Variants in CNTLN observed in about 807,000 individuals in gnomAD.
CNTLN encodes the protein centlein.
A neutral mutation model predicts 180.0 loss-of-function variants in CNTLN; 212 were observed. The ratio of observed to expected loss-of-function variants is 1.18; its 90% CI spans 1.05 to 1.32. CNTLN has a LOEUF of 1.32. Ranked by LOEUF, CNTLN falls within the 40% of genes most tolerant of loss-of-function variation. CNTLN has a pLI of 0.00. For synonymous variants in CNTLN, 722 were observed against 563.1 expected (o/e 1.28, Z -3.99); for missense variants, 2,095 against 1,610.9 (o/e 1.30, Z -5.14).
rs561733176 is a variant in CNTLN at position 17,340,894 on chromosome 9, C to G, written c.1712C>G (p.Thr571Ser). The change falls in exon 11 of 26, where the codon ACC becomes AGC. Residue 571 changes from threonine to serine, a missense_variant. Coordinates refer to ENST00000380647, the MANE Select transcript of CNTLN (RefSeq NM_017738.4). ...KRKERLQMLQ[T>S]NYRAVKEQLK... ...AAGGAACGGCTACAGATGTTACAGA[C>G]CAACTACAGAGCAGTAAAAGAGCAA... 7 of 1,612,176 alleles carry G rather than the reference C, an allele frequency of 4.3e-6. No homozygotes were observed. The East Asian group carries it at 9.0e-5, about 21-fold the overall frequency.
intron 6 of CNTLN, among the ~76,000 whole-genome samples, chr9:17,279,928 T>C (rs1043312086): frequency 2.6e-5 from 4 of 152,132 alleles, no homozygotes; most frequent in Non-Finnish European, 4.4e-5. Flanking sequence ...GTTGGCCTTA[T>C]AAGACGAAGA....
chr9:17,392,667 T>C (rs777378597), intron 14 of CNTLN, among the ~76,000 whole-genome samples: 11 of 152,164 alleles, frequency 7.2e-5, no homozygotes, highest in Non-Finnish European at 1.6e-4. Context: ...TAGGTTAATA[T>C]ATCATACCAT....
chr9:17,226,391 A>G, intron 3 of CNTLN, 104 bp downstream of exon 3: 2 of 564,828 alleles, frequency 3.5e-6, no homozygotes, highest in East Asian at 3.3e-5. Context: ...TGAGAATATC[A>G]GGGTCCTTAT....
intron 8 of CNTLN, among the ~76,000 whole-genome samples, chr9:17,309,701 C>T (rs532602023): frequency 6.6e-6 from 1 of 152,052 alleles, no homozygotes; most frequent in African/African-American, 2.4e-5. Flanking sequence ...GTCATGTAAC[C>T]TTTCTTACTA....
chr9:17,215,617 T>A (rs1174274125), intron 2 of CNTLN, among the ~76,000 whole-genome samples: 3 of 152,190 alleles, frequency 2.0e-5, no homozygotes, highest in Non-Finnish European at 4.4e-5. Flanking sequence ...AGATTTCTGC[T>A]GCCTTTTGTT....
intron 25 of CNTLN, among the ~76,000 whole-genome samples, chr9:17,493,961 C>G (rs751454521): frequency 2.6e-5 from 4 of 152,148 alleles, no homozygotes; most frequent in Admixed American, 6.5e-5. Flanking sequence ...GAAGTTAGCT[C>G]AAGGCAAGTA....
At chr9:17,226,112 T>C in intron 2 of CNTLN, 91 bp from the exon 3 acceptor site, 1 of 609,092 alleles carries the variant, frequency 1.6e-6, no homozygotes, top group Non-Finnish European at 2.7e-6. Context: ...TAATTTTCTA[T>C]ATTTTAAAGT....
intron 8 of CNTLN, among the ~76,000 whole-genome samples, chr9:17,313,621 A>G (rs7849085): frequency 0.58 from 87,394 of 151,552 alleles, 25,586 homozygotes; most frequent in East Asian, 0.73. Flanking sequence ...ATAGTAATCC[A>G]TCTTGTGGTT....
chr9:17,197,806 T>C (rs1198670366), intron 2 of CNTLN, among the ~76,000 whole-genome samples: 4 of 152,208 alleles, frequency 2.6e-5, no homozygotes, highest in African/African-American at 9.6e-5. Flanking sequence ...AAGAAATCTT[T>C]GCTCAGTCCA....
intron 2 of CNTLN, among the ~76,000 whole-genome samples, chr9:17,150,365 A>T (rs548900390): frequency 6.6e-6 from 1 of 152,222 alleles, no homozygotes; most frequent in East Asian, 1.9e-4. Context: ...AGTTGTCTGC[A>T]TATGGCTAGC....
intron 2 of CNTLN, among the ~76,000 whole-genome samples, chr9:17,150,560 G>A (rs894534224): frequency 2.6e-5 from 4 of 152,186 alleles, no homozygotes; most frequent in African/African-American, 9.7e-5. Context: ...TAGCCTTGAA[G>A]TGTAGTTTGA....
intron 6 of CNTLN, 99 bp from the exon 7 acceptor site, chr9:17,298,091 C>A: frequency 9.8e-7 from 1 of 1,018,552 alleles, no homozygotes; most frequent in Non-Finnish European, 1.3e-6. Flanking sequence ...ATAACAGATG[C>A]AAAACAGGAT....
chr9:17,516,180 C>G, the CNTLN span, among the ~76,000 whole-genome samples: 1 of 152,164 alleles, frequency 6.6e-6, no homozygotes, highest in African/African-American at 2.4e-5. Flanking sequence ...CTACATTCTC[C>G]ACAGCAACAT....
chr9:17,469,473 T>C (rs917075257), intron 23 of CNTLN, among the ~76,000 whole-genome samples: 5 of 151,924 alleles, frequency 3.3e-5, no homozygotes, highest in Non-Finnish European at 5.9e-5. Flanking sequence ...GGCATGATTA[T>C]CATCTTTCTT....
At position 17,288,900 on chromosome 9, in the gene CNTLN, G is replaced by T. The variant is rs1297412071; in HGVS notation, c.984-9290G>T. Among the ~76,000 whole-genome samples the T allele has an allele frequency of 3.5e-5, 4 of 115,934 alleles. 1 individual carries two copies. Among genetic ancestry groups the T allele is most frequent in the African/African-American group, 1.5e-4 (4 of 26,072 alleles). 76.1% of individuals were successfully genotyped at this position (115,934 alleles called of 152,430 possible). A position where few individuals can be genotyped will look rare whatever the true frequency, so the allele number is the denominator to read the frequency against. On this transcript the variant is annotated intron_variant, in intron 6 of 25. Coordinates refer to ENST00000380647, the MANE Select transcript of CNTLN (RefSeq NM_017738.4). ...ATCCTTTTATTTTGAGCCTATGTGT[G>T]TCTCTGCACGTGAGATGGGTTTCCT...
intron 12 of CNTLN, among the ~76,000 whole-genome samples, chr9:17,342,865 AAT>A (rs1821596306): frequency 1.3e-5 from 2 of 152,192 alleles, no homozygotes; most frequent in Non-Finnish European, 2.9e-5. Flanking sequence ...CTGTCCTGCT[AAT>A]CCCAGCTGAG....
chr9:17,309,436 T>C (rs1818970662), intron 8 of CNTLN, among the ~76,000 whole-genome samples, 184 bp downstream of exon 8: 1 of 152,084 alleles, frequency 6.6e-6, no homozygotes, highest in African/African-American at 2.4e-5. Flanking sequence ...ACAATACAAA[T>C]TTATATAGAA....
the CNTLN span, among the ~76,000 whole-genome samples, chr9:17,526,632 A>T: frequency 6.6e-6 from 1 of 152,208 alleles, no homozygotes; most frequent in African/African-American, 2.4e-5. Flanking sequence ...GACATACTGT[A>T]ATGGGAATCA....
At chr9:17,169,445 A>G (rs1224888657) in intron 2 of CNTLN, among the ~76,000 whole-genome samples, 7 of 152,204 alleles carry the variant, frequency 4.6e-5, no homozygotes, top group African/African-American at 1.7e-4. Flanking sequence ...AATTGAAATC[A>G]AATATTAAAC....
Sources: allele counts gnomAD v4.1 joint callset (sites outside exome capture counted in the v4.1 genomes callset), GRCh38; gene constraint gnomAD v4.1.1; transcripts MANE v1.5; gene names NCBI Gene and HGNC (gene_info 2026-07-23, HGNC 2026-07-21).